The following INSC variants were observed in gnomAD, a reference collection of about 807,000 sequenced individuals.
The protein encoded by INSC is INSC spindle orientation adaptor protein.
In INSC, 67 loss-of-function variants were observed where a neutral mutation model predicts 58.6. The observed-to-expected ratio is 1.14, with a 90% CI of 0.94 to 1.40. The LOEUF is 1.40. INSC is among the 40% of genes most tolerant of loss of function. INSC has a pLI of 0.00. For synonymous variants in INSC, 262 were observed against 276.1 expected, an observed-to-expected ratio of 0.95 and a Z score of 0.51; for missense variants, 714 against 692.0, an observed-to-expected ratio of 1.03 and a Z score of -0.36.
chr11:15,202,041 A>G (rs747098984), intron 7 of INSC, among the ~76,000 whole-genome samples: 1 of 152,172 alleles, frequency 6.6e-6, no homozygotes, highest in Non-Finnish European at 1.5e-5. Context: ...GAACTTACAG[A>G]TGCTCTTAGC....
At chr11:15,218,370 G>A (rs1461065059) in intron 7 of INSC, among the ~76,000 whole-genome samples, 5 of 152,038 alleles carry the variant, frequency 3.3e-5, no homozygotes, top group South Asian at 2.1e-4. Flanking sequence ...GGAAAACAAG[G>A]GAATAATATG....
intron 5 of INSC, among the ~76,000 whole-genome samples, chr11:15,182,406 A>C (rs896942641): frequency 2.0e-5 from 3 of 152,198 alleles, no homozygotes; most frequent in Non-Finnish European, 4.4e-5. Context: ...ATTTGTGAAC[A>C]TACACTCACT....
the INSC span, among the ~76,000 whole-genome samples, chr11:15,260,957 G>T: frequency 6.6e-6 from 1 of 152,168 alleles, no homozygotes; most frequent in Non-Finnish European, 1.5e-5. Flanking sequence ...GGCTCACAAA[G>T]GTTAGGCCCT....
chr11:15,187,623 C>A (rs1344076655), intron 5 of INSC, among the ~76,000 whole-genome samples: 6 of 152,142 alleles, frequency 3.9e-5, no homozygotes, highest in African/African-American at 1.4e-4. Context: ...TACATTTTTT[C>A]TTTTCTAATT....
At position 15,221,479 on chromosome 11, in the gene INSC, G is replaced by T; in HGVS notation, c.822G>T (p.Val274=). 6.2e-7 allele frequency: 1 copy of T among 1,606,598 alleles called. No individual in the cohort carries two copies. Among genetic ancestry groups the T allele is most frequent in the South Asian group, 1.1e-5 (1 of 89,972 alleles). ...GAGCTCCCTCTCTCCATCTGCAGGT[G>T]GATGGCGTTCTGTGCTTGGCCGACA... The part of the protein sequence containing the change: ...VEEGVHQLEK[V]DGVLCLADIL... The change falls in exon 8 of 13, where the codon GTG becomes GTT. Residue 274 remains valine, a splice_region_variant and synonymous_variant. Coordinates refer to ENST00000379556, the MANE Select transcript of INSC (RefSeq NM_001042536.3).
chr11:15,188,736 C>T (rs1299259324), intron 5 of INSC, among the ~76,000 whole-genome samples: 1 of 152,164 alleles, frequency 6.6e-6, no homozygotes, highest in Non-Finnish European at 1.5e-5. Flanking sequence ...CAGCTGATTG[C>T]AAAAGACATT....
chr11:15,131,309 C>G (rs1233411847), intron 1 of INSC, among the ~76,000 whole-genome samples: 1 of 151,564 alleles, frequency 6.6e-6, no homozygotes, highest in Non-Finnish European at 1.5e-5. Context: ...TAAAAATATA[C>G]AACTGTATGG....
At chr11:15,247,501 T>G (rs1852600329), downstream of INSC, among the ~76,000 whole-genome samples, 2 of 152,080 alleles carry the variant, frequency 1.3e-5, no homozygotes, top group South Asian at 4.1e-4. Context: ...TTATTATTAT[T>G]ACGATAGAAA....
the INSC span, among the ~76,000 whole-genome samples, chr11:15,261,028 T>A: frequency 2.0e-5 from 3 of 152,200 alleles, no homozygotes; most frequent in Non-Finnish European, 2.9e-5. Context: ...TCAACTCTGA[T>A]AATTGATAGT....
At chr11:15,190,577 A>T in intron 5 of INSC, 124 bp from the exon 6 acceptor site, 2 of 731,562 alleles carry the variant, frequency 2.7e-6, no homozygotes, top group Non-Finnish European at 5.0e-6. Context: ...ATGAGGCAGT[A>T]GCTAGGGGCA....
At chr11:15,186,986 G>A (rs1285976705) in intron 5 of INSC, among the ~76,000 whole-genome samples, 5 of 152,108 alleles carry the variant, frequency 3.3e-5, no homozygotes, top group Non-Finnish European at 7.4e-5. Context: ...CAACAGATGT[G>A]GTATTCAGCT....
downstream of INSC, among the ~76,000 whole-genome samples, chr11:15,247,733 G>GTATATATATATATATACA (rs1852605145): frequency 7.8e-6 from 1 of 127,458 alleles, no homozygotes; most frequent in Non-Finnish European, 1.7e-5. Context: ...TAGAAATAAG[G>GTATATATATATATATACA]TATATATATA....
chr11:15,229,961 TATATATATATA>T lies in INSC; in HGVS notation c.1170+4134_1170+4144del, dbSNP rs1851799447. 9.0e-5 allele frequency among the ~76,000 whole-genome samples: 3 copies of T among 33,212 alleles called. 1 individual carries two copies. The highest frequency in any genetic ancestry group is 4.2e-4 in the African/African-American group (3 of 7,156). The allele number at this position is 33,212 out of a possible 152,430, so 21.8% of individuals were successfully genotyped here. A position where few individuals can be genotyped will look rare whatever the true frequency, so the allele number is the denominator to read the frequency against. ...ATATATATAATATTATATATATATT[TATATATATATA>T]TATATATTATATATATATATATATA... On this transcript the variant is annotated intron_variant, in intron 9 of 12. Coordinates refer to ENST00000379556, the MANE Select transcript of INSC (RefSeq NM_001042536.3).
upstream of INSC, among the ~76,000 whole-genome samples, chr11:15,113,145 C>CTTTCTTTCTTTCT (rs200716197): frequency 1.5e-5 from 2 of 133,514 alleles, no homozygotes; most frequent in Non-Finnish European, 3.2e-5. Context: ...TTCTTTCTTT[C>CTTTCTTTCTTTCT]TGTCTCTCTC....
intron 9 of INSC, among the ~76,000 whole-genome samples, chr11:15,229,391 T>C (rs1468205681): frequency 6.6e-6 from 1 of 152,152 alleles, no homozygotes; most frequent in Non-Finnish European, 1.5e-5. Context: ...CTCTATAGTT[T>C]ATAAAGCTCT....
chr11:15,146,559 A>G (rs1186520094), intron 1 of INSC, among the ~76,000 whole-genome samples: 2 of 152,194 alleles, frequency 1.3e-5, no homozygotes, highest in African/African-American at 2.4e-5. Context: ...AAAAAGATGA[A>G]TGATGGCACC....
At chr11:15,150,677 G>A (rs1235765714) in intron 2 of INSC, among the ~76,000 whole-genome samples, 1 of 152,182 alleles carries the variant, frequency 6.6e-6, no homozygotes, top group Non-Finnish European at 1.5e-5. Flanking sequence ...CTAGGCCAGG[G>A]GTTGGGATCC....
chr11:15,111,660 A>C (rs1362937582), upstream of INSC, among the ~76,000 whole-genome samples: 1 of 152,182 alleles, frequency 6.6e-6, no homozygotes, highest in Non-Finnish European at 1.5e-5. Flanking sequence ...ATTTGTGTAG[A>C]GTCTCCATCT....
intron 7 of INSC, among the ~76,000 whole-genome samples, chr11:15,204,054 C>T (rs1386889980): frequency 6.6e-6 from 1 of 152,190 alleles, no homozygotes; most frequent in Non-Finnish European, 1.5e-5. Flanking sequence ...CTCTGGCCAT[C>T]TATAGAAAAT....
Sources: allele counts gnomAD v4.1 joint callset (sites outside exome capture counted in the v4.1 genomes callset), GRCh38; gene constraint gnomAD v4.1.1; transcripts MANE v1.5; gene names NCBI Gene and HGNC (gene_info 2026-07-23, HGNC 2026-07-21).